The following ZNF385D variants were observed in gnomAD, a reference collection of about 807,000 sequenced individuals.
ZNF385D encodes zinc finger protein 385D, also known as zinc finger protein 659.
ZNF385D carries 15 observed loss-of-function variants against 35.8 expected under a neutral mutation model. That is an observed-to-expected ratio of 0.42 (90% CI 0.28 to 0.64). The LOEUF (loss-of-function observed/expected upper bound fraction) is 0.64. Ranked by LOEUF, ZNF385D falls within the 30% of genes least tolerant of loss-of-function variation. ZNF385D has a pLI of 0.23. For synonymous variants in ZNF385D, 212 were observed against 186.8 expected (o/e 1.13, Z -1.10); for missense variants, 474 against 494.6 (o/e 0.96, Z 0.39).
chr3:21,823,007 T>A (rs1277500580), intron 3 of ZNF385D, among the ~76,000 whole-genome samples: 1 of 152,040 alleles, frequency 6.6e-6, no homozygotes, highest in African/African-American at 2.4e-5. Context: ...AAAGATGCAA[T>A]CAAAACAGTA....
At chr3:21,521,767 A>C (rs1380365033) in intron 3 of ZNF385D, among the ~76,000 whole-genome samples, 1 of 151,930 alleles carries the variant, frequency 6.6e-6, no homozygotes, top group Non-Finnish European at 1.5e-5. Context: ...AGCCCCAAAA[A>C]CGTCTCTATA....
Position 22,143,057 on chromosome 3 carries a change from G to A in ZNF385D, c.325+25760C>T, listed in dbSNP as rs1018619069. Reference sequence around the variant, plus strand: ...TTCATTTGATATATTCTATTAAATCGGTTGTGTGTGTGTGTGTGTGTGTGT... The same window carrying A: ...TTCATTTGATATATTCTATTAAATCAGTTGTGTGTGTGTGTGTGTGTGTGT... On this transcript the variant is annotated intron_variant, in intron 3 of 5. Coordinates refer to the ZNF385D transcript ENST00000494108. Among the ~76,000 whole-genome samples, 6 of 131,842 alleles carry A rather than the reference G, an allele frequency of 4.6e-5. No individual in the cohort carries two copies. The East Asian group carries it at 1.0e-3, about 22-fold the overall frequency. The allele number at this position is 131,842 out of a possible 152,430, so 86.5% of individuals were successfully genotyped here.
intron 2 of ZNF385D, among the ~76,000 whole-genome samples, chr3:22,263,096 A>T (rs984143850): frequency 1.3e-5 from 2 of 151,866 alleles, no homozygotes; most frequent in African/African-American, 4.8e-5. Flanking sequence ...TTCCGTGGTA[A>T]CCTCTTTAGC....
chr3:21,828,483 T>C (rs750070099), intron 3 of ZNF385D, among the ~76,000 whole-genome samples: 26 of 152,186 alleles, frequency 1.7e-4, no homozygotes, highest in Admixed American at 7.2e-4. Context: ...GGAGTTATAA[T>C]TGCAGTTTTA....
At chr3:21,494,069 C>G (rs907230502) in intron 4 of ZNF385D, among the ~76,000 whole-genome samples, 1 of 151,900 alleles carries the variant, frequency 6.6e-6, no homozygotes, top group Non-Finnish European at 1.5e-5. Flanking sequence ...ATAGAAAAAC[C>G]AAAGTTGAAA....
intron 3 of ZNF385D, among the ~76,000 whole-genome samples, chr3:21,972,963 G>C (rs553494985): frequency 2.6e-5 from 4 of 151,758 alleles, no homozygotes; most frequent in Non-Finnish European, 5.9e-5. Flanking sequence ...AGGACCCAGC[G>C]GCTTCATTGC....
At chr3:22,329,848 TGA>T (rs1403941509) in intron 2 of ZNF385D, among the ~76,000 whole-genome samples, 1 of 152,224 alleles carries the variant, frequency 6.6e-6, no homozygotes, top group Non-Finnish European at 1.5e-5. Flanking sequence ...TAAAAATTAT[TGA>T]GATAGCTTTT....
chr3:22,030,254 T>C (rs1218671562), intron 3 of ZNF385D, among the ~76,000 whole-genome samples: 1 of 76,852 alleles, frequency 1.3e-5, no homozygotes, highest in Non-Finnish European at 2.6e-5. Flanking sequence ...AATAAACTCA[T>C]TCATATATAT....
chr3:21,633,518 C>G (rs1328247268), intron 2 of ZNF385D, among the ~76,000 whole-genome samples: 1 of 151,992 alleles, frequency 6.6e-6, no homozygotes, highest in African/African-American at 2.4e-5. Context: ...AACTATTGCA[C>G]CTGGATAAAT....
At chr3:21,729,972 ATCTTT>A (rs1471511824) in intron 1 of ZNF385D, among the ~76,000 whole-genome samples, 1 of 152,178 alleles carries the variant, frequency 6.6e-6, no homozygotes, top group East Asian at 1.9e-4. Flanking sequence ...TCACTCACTT[ATCTTT>A]TAATTACTAC....
intron 3 of ZNF385D, among the ~76,000 whole-genome samples, chr3:21,562,290 TTATA>T (rs2062978939): frequency 1.3e-5 from 2 of 152,252 alleles, no homozygotes; most frequent in Admixed American, 6.5e-5. Flanking sequence ...TTGTTAAAAA[TTATA>T]TATAAAAATA....
intron 3 of ZNF385D, among the ~76,000 whole-genome samples, chr3:22,073,311 T>C (rs929535955): frequency 6.7e-6 from 1 of 149,008 alleles, no homozygotes; most frequent in Middle Eastern, 3.5e-3. Flanking sequence ...TAGTTTTATA[T>C]GAAAAAGAAA....
intron 3 of ZNF385D, among the ~76,000 whole-genome samples, chr3:21,825,811 C>T (rs1195545720): frequency 6.6e-6 from 1 of 152,174 alleles, no homozygotes; most frequent in Non-Finnish European, 1.5e-5. Flanking sequence ...AGAACCAGTC[C>T]CTCGCTTGTT....
intron 2 of ZNF385D, among the ~76,000 whole-genome samples, chr3:22,353,656 A>C (rs1332343112): frequency 6.6e-6 from 1 of 152,074 alleles, no homozygotes; most frequent in Non-Finnish European, 1.5e-5. Flanking sequence ...CACTCTTTTC[A>C]AAACTACTTT....
intron 3 of ZNF385D, among the ~76,000 whole-genome samples, chr3:22,135,347 C>A (rs1704042033): frequency 6.7e-6 from 1 of 149,164 alleles, no homozygotes; most frequent in Non-Finnish European, 1.5e-5. Flanking sequence ...CCAACATACA[C>A]ACATAACTTA....
At chr3:21,701,746 A>G (rs2067691667) in intron 1 of ZNF385D, among the ~76,000 whole-genome samples, 1 of 152,176 alleles carries the variant, frequency 6.6e-6, no homozygotes, top group African/African-American at 2.4e-5. Flanking sequence ...AGCCATTCCA[A>G]ATGGGAGAAA....
At position 22,191,284 on chromosome 3, in the gene ZNF385D, G is replaced by A. The variant is rs545023916; in HGVS notation, c.107-22249C>T. Among the ~76,000 whole-genome samples, 5 of 152,046 alleles carry A rather than the reference G, an allele frequency of 3.3e-5. No homozygotes were observed. The South Asian group carries it at 6.2e-4, about 19-fold the overall frequency. On this transcript the variant is annotated intron_variant, in intron 2 of 5. Transcript: ENST00000494108. Reference sequence around the variant, plus strand: ...GGCAGGCGGATCACCTGACGTCAGGGGTTTGAGAACAGCCTCAACATGGAG... The same window carrying A: ...GGCAGGCGGATCACCTGACGTCAGGAGTTTGAGAACAGCCTCAACATGGAG...
chr3:21,983,025 T>C (rs1208064011), intron 3 of ZNF385D, among the ~76,000 whole-genome samples: 2 of 152,026 alleles, frequency 1.3e-5, no homozygotes, highest in Admixed American at 1.3e-4. Context: ...CATTGATGTT[T>C]ATCAAGGATA....
At chr3:21,638,677 C>T (rs761651411) in intron 2 of ZNF385D, among the ~76,000 whole-genome samples, 2 of 152,130 alleles carry the variant, frequency 1.3e-5, no homozygotes, top group Non-Finnish European at 1.5e-5. Context: ...TGTAAAGTCT[C>T]AGACCATGTG....
Sources: allele counts gnomAD v4.1 joint callset (sites outside exome capture counted in the v4.1 genomes callset), GRCh38; gene constraint gnomAD v4.1.1; transcripts MANE v1.5; gene names NCBI Gene and HGNC (gene_info 2026-07-23, HGNC 2026-07-21).